The following DOCK2 variants were observed in gnomAD, a reference collection of about 807,000 sequenced individuals.
DOCK2 encodes the protein dedicator of cytokinesis 2.
Under a neutral mutation model 248.9 loss-of-function variants are expected in DOCK2, and 87 were observed. The observed-to-expected ratio is 0.35, with a 90% CI of 0.29 to 0.42. The LOEUF is 0.42. DOCK2 is among the 10% of genes least tolerant of loss of function. DOCK2 has a pLI of 1.00. For synonymous variants in DOCK2, 805 were observed against 821.6 expected (o/e 0.98, Z 0.35); for missense variants, 1,747 against 2,300.2 (o/e 0.76, Z 4.92).
chr5:169,637,861 G>A (rs139249798), intron 1 of DOCK2, among the ~76,000 whole-genome samples: 8 of 152,300 alleles, frequency 5.3e-5, no homozygotes, highest in Middle Eastern at 3.4e-3. Context: ...GGCATCCAGA[G>A]GGCAGCTCAA....
chr5:169,925,834 G>A (rs1366091533), intron 27 of DOCK2, among the ~76,000 whole-genome samples: 2 of 152,226 alleles, frequency 1.3e-5, no homozygotes, highest in Non-Finnish European at 2.9e-5. Context: ...TATTATCACT[G>A]TTTCTGGAAT....
intron 30 of DOCK2, among the ~76,000 whole-genome samples, chr5:170,007,853 T>C (rs1755104186): frequency 6.6e-6 from 1 of 152,182 alleles, no homozygotes; most frequent in South Asian, 2.1e-4. Flanking sequence ...TGCAGATTTC[T>C]AGGTCCCACC....
chr5:169,771,575 C>T (rs1765088560), intron 25 of DOCK2, among the ~76,000 whole-genome samples: 1 of 152,154 alleles, frequency 6.6e-6, no homozygotes, highest in South Asian at 2.1e-4. Flanking sequence ...GCCACCGCAC[C>T]CGGCCTTTTG....
At chr5:169,650,552 T>G (rs931193934) in intron 1 of DOCK2, among the ~76,000 whole-genome samples, 1 of 152,220 alleles carries the variant, frequency 6.6e-6, no homozygotes, top group Non-Finnish European at 1.5e-5. Flanking sequence ...TCCTGATGAA[T>G]AGAGTACTTC....
chr5:169,860,311 G>C (rs1415218785), intron 27 of DOCK2, among the ~76,000 whole-genome samples: 1 of 151,956 alleles, frequency 6.6e-6, no homozygotes, highest in African/African-American at 2.4e-5. Context: ...AACCACTGCA[G>C]CTTCACGGAG....
chr5:169,671,149 G>A lies in DOCK2; in HGVS notation c.296G>A (p.Gly99Glu), dbSNP rs765234982. The change falls in exon 5 of 52, where the codon GGA (glycine) becomes GAA (glutamate). Residue 99 changes from glycine (G) to glutamate (E), a missense_variant. Physicochemically the swap from Gly to Glu is moderately conservative, Grantham distance 98 (BLOSUM62 -2). This residue lies in a region of DOCK2 where 375 missense variants were observed against 510.9 expected (regional missense o/e 0.73). Transcript: ENST00000520908. ...QEVTTTLWEW[G>E]SIWKQLYVAS... ...GTGACAACGACACTTTGGGAATGGG[G>A]AAGCATCTGGAAACAACTCTATGTG... is the stretch of plus-strand genomic sequence containing the variant. The A allele has an allele frequency of 1.2e-6, 2 of 1,613,912 alleles. No individual in the cohort carries two copies. Among genetic ancestry groups the A allele is most frequent in the African/African-American group, 1.3e-5 (1 of 74,898 alleles).
rs1236462190 is a variant in DOCK2 at position 169,795,676 on chromosome 5, CTAGAATCATGTCTATGGAGAT to C, written c.2555-7381_2555-7361del. 3.3e-5 allele frequency among the ~76,000 whole-genome samples: 5 copies of C among 152,332 alleles called. No individual in the cohort carries two copies. In the East Asian group the frequency reaches 5.8e-4, roughly 18 times the overall value. On this transcript the variant is annotated intron_variant, in intron 25 of 51. Coordinates refer to ENST00000520908, the MANE Select transcript of DOCK2 (RefSeq NM_004946.3). ...TGAGAACAAATTGCTAACTGTCAGA[CTAGAATCATGTCTATGGAGAT>C]CTCCCTTTGTGTCCAGTTGATCCAA... is the stretch of plus-strand genomic sequence containing the variant.
chr5:170,068,825 G>T (rs1320001084), intron 45 of DOCK2, among the ~76,000 whole-genome samples: 2 of 152,268 alleles, frequency 1.3e-5, no homozygotes, highest in African/African-American at 4.8e-5. Context: ...TCTGATTCAG[G>T]CTGTCTGGGC....
intron 25 of DOCK2, among the ~76,000 whole-genome samples, chr5:169,770,193 G>A (rs891073184): frequency 2.0e-5 from 3 of 151,550 alleles, no homozygotes; most frequent in African/African-American, 4.9e-5. Flanking sequence ...AAGCATCCAT[G>A]CATTCACCAC....
chr5:169,759,890 C>A, intron 24 of DOCK2, 115 bp downstream of exon 24: 3 of 1,115,374 alleles, frequency 2.7e-6, no homozygotes, highest in Non-Finnish European at 4.0e-6. Context: ...ATGGGGAAGA[C>A]CTGTGGCAGG....
At chr5:169,961,111 C>T (rs1777069931) in intron 27 of DOCK2, among the ~76,000 whole-genome samples, 1 of 152,198 alleles carries the variant, frequency 6.6e-6, no homozygotes, top group African/African-American at 2.4e-5. Context: ...CAACCTGTTG[C>T]CCATTTGCAA....
At chr5:169,846,313 A>G (rs1052072937) in intron 27 of DOCK2, among the ~76,000 whole-genome samples, 1 of 152,150 alleles carries the variant, frequency 6.6e-6, no homozygotes, top group African/African-American at 2.4e-5. Flanking sequence ...CACAGGAACC[A>G]TGGGGCTAGG....
At chr5:169,655,182 G>A (rs1342538132) in intron 2 of DOCK2, among the ~76,000 whole-genome samples, 2 of 152,192 alleles carry the variant, frequency 1.3e-5, no homozygotes, top group Non-Finnish European at 2.9e-5. Context: ...AACCAAATGA[G>A]CTGCTGATCT....
Position 169,674,343 on chromosome 5 carries a change from A to G in DOCK2, c.368A>G (p.Asp123Gly). The stretch of plus-strand genomic sequence containing the variant: ...CTCCAGGTGCAGTCCATGATGTACG[A>G]TCTGATGGAGTGGAGGTCCCAGCTT... ...RFLQVQSMMY[D>G]LMEWRSQLLS... Residue 123 changes from aspartate (D) to glycine (G), a missense_variant, in exon 6 of 52, where the codon GAT (aspartate) becomes GGT (glycine). Coordinates refer to ENST00000520908, the MANE Select transcript of DOCK2 (RefSeq NM_004946.3). 6 of 1,614,136 alleles carry G rather than the reference A, an allele frequency of 3.7e-6. No homozygotes were observed. Among genetic ancestry groups the G allele is most frequent in the Non-Finnish European group, 5.1e-6 (6 of 1,180,006 alleles).
At chr5:169,907,527 A>C (rs1774351869) in intron 27 of DOCK2, among the ~76,000 whole-genome samples, 1 of 152,260 alleles carries the variant, frequency 6.6e-6, no homozygotes, top group Non-Finnish European at 1.5e-5. Flanking sequence ...CCACTTAGCG[A>C]AGACTAGTTG....
chr5:170,058,500 G>T (rs886670652), intron 44 of DOCK2, among the ~76,000 whole-genome samples: 1 of 152,166 alleles, frequency 6.6e-6, no homozygotes. Context: ...GTCAGAGAAT[G>T]CTTCCCTCTA....
intron 27 of DOCK2, among the ~76,000 whole-genome samples, chr5:169,905,071 G>T (rs910023171): frequency 1.3e-5 from 2 of 152,208 alleles, no homozygotes; most frequent in African/African-American, 4.8e-5. Context: ...AGGATTCAGG[G>T]AGGCCGTGCA....
chr5:170,058,819 T>A (rs1165700318), intron 44 of DOCK2, among the ~76,000 whole-genome samples: 1 of 152,186 alleles, frequency 6.6e-6, no homozygotes, highest in Non-Finnish European at 1.5e-5. Context: ...CCGTTTCACT[T>A]CTACCCTTAA....
At chr5:169,905,027 A>G (rs899551564) in intron 27 of DOCK2, among the ~76,000 whole-genome samples, 1 of 152,196 alleles carries the variant, frequency 6.6e-6, no homozygotes, top group African/African-American at 2.4e-5. Flanking sequence ...GAAAATGAAG[A>G]TAGTAGTCAT....
Sources: gnomAD v4.1 joint callset for allele counts (sites outside exome capture counted in the v4.1 genomes callset) on GRCh38, gnomAD v4.1.1 for gene constraint, gnomAD v4.1.1 regional missense constraint, MANE v1.5 for transcripts, NCBI Gene and HGNC (gene_info 2026-07-23, HGNC 2026-07-21) for gene names.